MOGS: variants seen among roughly 807,000 people sequenced by gnomAD.
MOGS encodes the protein epididymis secretory sperm binding protein.
MOGS carries 45 observed loss-of-function variants against 68.5 expected under a neutral mutation model. The ratio of observed to expected loss-of-function variants is 0.66; its 90% confidence interval spans 0.52 to 0.84. The LOEUF (loss-of-function observed/expected upper bound fraction) is 0.84. Among genes scored for constraint, MOGS ranks in the 40% least tolerant of loss-of-function variants. MOGS has a pLI of 0.00. For synonymous variants in MOGS, 492 were observed against 461.2 expected (o/e 1.07, Z -0.86); for missense variants, 1,020 against 1,095.0 (o/e 0.93, Z 0.97).
chr2:74,465,166 C>A lies in MOGS; in HGVS notation c.82G>T (p.Gly28Trp). ...CCGCCGCCCCGGCCGTCCCGTCGCC[C>A]GGGGCCTCCCCGAGCCGCCCTCTCG... ...TAERAARGGPGRRDGRGGGPR... is the reference protein window; with the variant it reads ...TAERAARGGPWRRDGRGGGPR... Residue 28 changes from glycine (G) to tryptophan (W), a missense_variant, in exon 1 of 4, where the codon GGG becomes TGG. By Grantham distance (184) the Gly-to-Trp change is radical (BLOSUM62 -2). Coordinates refer to ENST00000448666, the MANE Select transcript of MOGS (RefSeq NM_006302.3). 2 of 1,531,160 alleles carry A rather than the reference C, an allele frequency of 1.3e-6. No individual in the cohort carries two copies. Among genetic ancestry groups the A allele is most frequent in the South Asian group, 2.4e-5 (2 of 83,634 alleles). The allele number at this position is 1,531,160 out of a possible 1,614,324, so 94.8% of individuals were successfully genotyped here. A position where few individuals can be genotyped will look rare whatever the true frequency, so the allele number is the denominator to read the frequency against.
chr2:74,465,081 C>T lies in MOGS; in HGVS notation c.167G>A (p.Gly56Asp), dbSNP rs1285047569. 1.3e-6 allele frequency: 2 copies of T among 1,556,042 alleles called. No homozygotes were observed. The highest frequency in any genetic ancestry group is 1.7e-6 in the Non-Finnish European group (2 of 1,152,014). ...LAVVVLSLAL[G>D]MSGRWVLAWY... The stretch of plus-strand genomic sequence containing the variant: ...CGCCAGCACCCAGCGCCCCGACATA[C>T]CCAGGGCCAAAGACAGGACCACGAC... The change falls in exon 1 of 4, where the codon GGT becomes GAT. Residue 56 changes from glycine to aspartate, a missense_variant. Coordinates refer to ENST00000448666, the MANE Select transcript of MOGS (RefSeq NM_006302.3).
rs756108802 is a variant in MOGS, at chr2:74,463,371, C to G, written c.595G>C (p.Ala199Pro). The G allele has an allele frequency of 6.2e-7, 1 of 1,614,162 alleles. No individual in the cohort carries two copies. The highest frequency in any genetic ancestry group is 8.5e-7 in the Non-Finnish European group (1 of 1,180,034). Reference protein sequence around the residue: ...TVEPQDSGTSALPLVSLFFYV... With the variant: ...TVEPQDSGTSPLPLVSLFFYV... ...AAGAACAGGGAGACCAAAGGGAGGG[C>G]AGAAGTACCTGAGTCCTGAGTGACC... The change falls in exon 3 of 4, where the codon GCC becomes CCC. Residue 199 changes from alanine (A) to proline (P), a missense_variant. By Grantham distance (27) the Ala-to-Pro change is conservative. Transcript: ENST00000448666.
rs368859958 is a variant in MOGS at position 74,461,355 on chromosome 2, G to C, written c.2434C>G (p.Arg812Gly). Residue 812 changes from arginine to glycine, a missense_variant, in exon 4 of 4, where the codon CGC (arginine) becomes GGC (glycine). By Grantham distance (125) the Arg-to-Gly change is moderately radical. This residue lies in a region of MOGS where 270 missense variants were observed against 261.3 expected (regional missense o/e 1.03). Coordinates refer to ENST00000448666, the MANE Select transcript of MOGS (RefSeq NM_006302.3). ...TGFLWEQYSD[R>G]DGRGMGCRPF... is the part of the protein sequence containing the mutation. Reference sequence around the variant, plus strand: ...CGGCAGCCCATGCCTCGCCCATCGCGGTCACTGTACTGCTCCCAAAGAAAG... The same window carrying C: ...CGGCAGCCCATGCCTCGCCCATCGCCGTCACTGTACTGCTCCCAAAGAAAG... The C allele has an allele frequency of 6.2e-7, 1 of 1,614,102 alleles. No homozygotes were observed. Among genetic ancestry groups the C allele is most frequent in the African/African-American group, 1.3e-5 (1 of 75,064 alleles).
chr2:74,461,119 C>T lies in MOGS; in HGVS notation c.*156G>A, dbSNP rs571773528. On this transcript the variant is annotated 3_prime_UTR_variant, in exon 4 of 4. Transcript: ENST00000448666. ...ATAGACTCTGGATTCACATTCACCC[C>T]AGGGCTATGTGGGATGACAGCAAGG... 7.4e-6 allele frequency: 6 copies of T among 815,618 alleles called. No homozygotes were observed. The highest frequency in any genetic ancestry group is 1.5e-5 in the South Asian group (1 of 67,084). The allele number at this position is 815,618 out of a possible 1,614,324, so 50.5% of individuals were successfully genotyped here. A position where few individuals can be genotyped will look rare whatever the true frequency, so the allele number is the denominator to read the frequency against.
At position 74,463,215 on chromosome 2, in the gene MOGS, C is replaced by T; in HGVS notation, c.751G>A (p.Gly251Arg). The T allele has an allele frequency of 6.2e-7, 1 of 1,614,206 alleles. No individual in the cohort carries two copies. The highest frequency in any genetic ancestry group is 8.5e-7 in the Non-Finnish European group (1 of 1,180,038). Residue 251 changes from glycine (G) to arginine (R), a missense_variant, in exon 3 of 4, where the codon GGG (glycine) becomes AGG (arginine). Physicochemically the swap from Gly to Arg is moderately radical, Grantham distance 125. This residue lies in a region of MOGS where 569 missense variants were observed against 571.9 expected (regional missense o/e 0.99). Coordinates refer to ENST00000448666, the MANE Select transcript of MOGS (RefSeq NM_006302.3). ...RFTLLPPTSP[G>R]DTAPKYGSYN... Reference sequence around the variant, plus strand: ...CTGCCATACTTGGGGGCTGTATCCCCTGGACTGGTTGGTGGCAAAAGTGTA... The same window carrying T: ...CTGCCATACTTGGGGGCTGTATCCCTTGGACTGGTTGGTGGCAAAAGTGTA...
chr2:74,462,727 G>A lies in MOGS; in HGVS notation c.1062C>T (p.Gly354=). 6.2e-7 allele frequency: 1 copy of A among 1,614,230 alleles called. No homozygotes were observed. Among genetic ancestry groups the A allele is most frequent in the Non-Finnish European group, 8.5e-7 (1 of 1,180,036 alleles). The change falls in exon 4 of 4, where the codon GGC becomes GGT. Residue 354 remains glycine, a synonymous_variant. Transcript: ENST00000448666. ...TCTCCAGGGCCTGGGTCAGTAGACTGCCTGCCAGTCTTGGCAGGGCTTGAT... is the reference window on the plus strand; with the variant it reads ...TCTCCAGGGCCTGGGTCAGTAGACTACCTGCCAGTCTTGGCAGGGCTTGAT... ...GGNQALPRLA[G]SLLTQALESH...
chr2:74,462,861 C>G lies in MOGS; in HGVS notation c.928G>C (p.Gly310Arg). ...TGCCCCTGCCCTTGCCCACTTGGACCTCTGTCCTCCCACTTCAGGGATCCT... is the reference window on the plus strand; with the variant it reads ...TGCCCCTGCCCTTGCCCACTTGGACGTCTGTCCTCCCACTTCAGGGATCCT... The part of the protein sequence containing the change: ...LPGSLKWEDR[G>R]PSGQGQGQFL... Residue 310 changes from glycine to arginine, a missense_variant, in exon 4 of 4, where the codon GGT becomes CGT. By Grantham distance (125) the Gly-to-Arg change is moderately radical. Around this residue, in one of 3 missense-constraint regions of MOGS, gnomAD observed 569 missense variants for 571.9 expected, o/e 0.99. Transcript: ENST00000448666. 6.2e-7 allele frequency: 1 copy of G among 1,614,204 alleles called. No individual in the cohort carries two copies. The highest frequency in any genetic ancestry group is 8.5e-7 in the Non-Finnish European group (1 of 1,180,054).
Position 74,462,317 on chromosome 2 carries a change from C to T in MOGS, c.1472G>A (p.Gly491Glu). ...AGGCACCCGGGCTCGGGCCTCATCC[C>T]CCAGTATCTGCTCCCTCCCAATCCA... is the stretch of plus-strand genomic sequence containing the variant. ...DGWIGREQIL[G>E]DEARARVPPE... Residue 491 changes from glycine (G) to glutamate (E), a missense_variant, in exon 4 of 4, where the codon GGG (glycine) becomes GAG (glutamate). Gly to Glu is a moderately conservative substitution (Grantham distance 98, BLOSUM62 -2). Transcript: ENST00000448666. The T allele has an allele frequency of 6.2e-7, 1 of 1,613,976 alleles. No individual in the cohort carries two copies. Among genetic ancestry groups the T allele is most frequent in the Non-Finnish European group, 8.5e-7 (1 of 1,180,020 alleles).
rs1317287446 is a variant in MOGS at position 74,461,823 on chromosome 2, CAA to C, written c.1964_1965del (p.Phe655TrpfsTer91). On this transcript the variant is annotated frameshift_variant, in exon 4 of 4. Coordinates refer to ENST00000448666, the MANE Select transcript of MOGS (RefSeq NM_006302.3). LOFTEE classifies it high-confidence loss of function. The part of the protein sequence containing the change: ...WAPELGVFAD[F>X]GNHTKAVQLK... ...AGCTGTACTGCTTTTGTGTGGTTCC[CAA>C]AGTCTGCAAAGACTCCTAGCTCTGG... The C allele has an allele frequency of 6.2e-7, 1 of 1,614,046 alleles. No individual in the cohort carries two copies.
Position 74,465,376 on chromosome 2 carries a change from C to A in MOGS, c.-129G>T. On this transcript the variant is annotated 5_prime_UTR_variant, in exon 1 of 4. Coordinates refer to ENST00000448666, the MANE Select transcript of MOGS (RefSeq NM_006302.3). ...CCGGTTAGCGACACCTGCCAGCCAGCGCCTGCGCCTCCGCCTCCGCCTCCC... is the reference window on the plus strand; with the variant it reads ...CCGGTTAGCGACACCTGCCAGCCAGAGCCTGCGCCTCCGCCTCCGCCTCCC... The A allele has an allele frequency of 2.2e-6, 1 of 463,700 alleles. No individual in the cohort carries two copies. The highest frequency in any genetic ancestry group is 5.3e-5 in the South Asian group (1 of 18,734). The allele number at this position is 463,700 out of a possible 1,614,324, so 28.7% of individuals were successfully genotyped here.
rs574457680 is a variant in MOGS at position 74,462,570 on chromosome 2, C to G, written c.1219G>C (p.Gly407Arg). The G allele has an allele frequency of 1.9e-6, 3 of 1,613,264 alleles. No individual in the cohort carries two copies. Among genetic ancestry groups the G allele is most frequent in the Non-Finnish European group, 2.5e-6 (3 of 1,179,512 alleles). ...ATGTCTGGCAATACCAGCCCTTGTCCGTAGAAGTAGCCAATTCCACCAAGG... is the reference window on the plus strand; with the variant it reads ...ATGTCTGGCAATACCAGCCCTTGTCGGTAGAAGTAGCCAATTCCACCAAGG... ...GLLGGIGYFYGQGLVLPDIGV... is the reference protein window; with the variant it reads ...GLLGGIGYFYRQGLVLPDIGV... Residue 407 changes from glycine to arginine, a missense_variant, in exon 4 of 4, where the codon GGA becomes CGA. Gly to Arg is a moderately radical substitution (Grantham distance 125). This residue lies in a region of MOGS where 569 missense variants were observed against 571.9 expected (regional missense o/e 0.99). Transcript: ENST00000448666.
Position 74,465,326 on chromosome 2 carries a change from C to T in MOGS, c.-79G>A, listed in dbSNP as rs918845666. On this transcript the variant is annotated 5_prime_UTR_variant, in exon 1 of 4. Transcript: ENST00000448666. Reference sequence around the variant, plus strand: ...GGTCCTGCCTCACCTCTCCGGCTCCCGCCTCTCGCCCTGGCGACCACCGTC... The same window carrying T: ...GGTCCTGCCTCACCTCTCCGGCTCCTGCCTCTCGCCCTGGCGACCACCGTC... 6 of 1,064,014 alleles carry T rather than the reference C, an allele frequency of 5.6e-6. No individual in the cohort carries two copies. The Admixed American group carries it at 2.5e-4, about 45-fold the overall frequency. 65.9% of individuals were successfully genotyped at this position (1,064,014 alleles called of 1,614,324 possible).
chr2:74,462,674 A>G lies in MOGS; in HGVS notation c.1115T>C (p.Phe372Ser). ...ESHAEGFRER[F>S]EKTFQLKEKG... Reference sequence around the variant, plus strand: ...CTCCTTCAGCTGGAAGGTCTTCTCAAAGCGCTCTCTAAAGCCTTCAGCATG... The same window carrying G: ...CTCCTTCAGCTGGAAGGTCTTCTCAGAGCGCTCTCTAAAGCCTTCAGCATG... The change falls in exon 4 of 4, where the codon TTT (phenylalanine) becomes TCT (serine). Residue 372 changes from phenylalanine to serine, a missense_variant. Transcript: ENST00000448666. The G allele has an allele frequency of 6.2e-7, 1 of 1,614,212 alleles. No individual in the cohort carries two copies. The highest frequency in any genetic ancestry group is 1.7e-5 in the Admixed American group (1 of 60,016).
rs1299620489 is a variant in MOGS, at chr2:74,461,923, C to G, written c.1866G>C (p.Glu622Asp). ...TRLAEHLGEA[E>D]VAAELGPLAA... ...CCAGTGGGCCCAGCTCAGCAGCTAC[C>G]TCAGCCTCACCCAGATGCTCTGCCA... The change falls in exon 4 of 4, where the codon GAG becomes GAC. Residue 622 changes from glutamate (E) to aspartate (D), a missense_variant. Glu to Asp is a conservative substitution (Grantham distance 45, BLOSUM62 2). This residue lies in a region of MOGS where 181 missense variants were observed against 261.8 expected (regional missense o/e 0.69). Coordinates refer to ENST00000448666, the MANE Select transcript of MOGS (RefSeq NM_006302.3). 2 of 1,614,136 alleles carry G rather than the reference C, an allele frequency of 1.2e-6. No individual in the cohort carries two copies. Among genetic ancestry groups the G allele is most frequent in the Middle Eastern group, 1.7e-4 (1 of 6,060 alleles).
chr2:74,461,564 T>A lies in MOGS; in HGVS notation c.2225A>T (p.Asn742Ile). 1.2e-6 allele frequency: 2 copies of A among 1,613,994 alleles called. No homozygotes were observed. The highest frequency in any genetic ancestry group is 1.7e-6 in the Non-Finnish European group (2 of 1,179,938). ...AASSSFYGQR[N>I]SEHDPPYWRG... ...CCAGTAGGGGGGATCATGCTCTGAATTGCGCTGGCCATAAAAGGAGCTGGA... is the reference window on the plus strand; with the variant it reads ...CCAGTAGGGGGGATCATGCTCTGAAATGCGCTGGCCATAAAAGGAGCTGGA... The change falls in exon 4 of 4, where the codon AAT becomes ATT. Residue 742 changes from asparagine to isoleucine, a missense_variant. Asn to Ile is a moderately radical substitution (Grantham distance 149). Around this residue, in one of 3 missense-constraint regions of MOGS, gnomAD observed 270 missense variants for 261.3 expected, o/e 1.03. Transcript: ENST00000448666.
rs148688719 is a variant in MOGS, at chr2:74,464,164, G to C, written c.579+332C>G. 2.5e-4 allele frequency among the ~76,000 whole-genome samples: 37 copies of C among 148,056 alleles called. 1 individual carries two copies. The highest frequency in any genetic ancestry group is 9.3e-4 in the African/African-American group (37 of 39,584). On this transcript the variant is annotated intron_variant, in intron 2 of 3. Coordinates refer to ENST00000448666, the MANE Select transcript of MOGS (RefSeq NM_006302.3). ...AGTAGAGACGGTGTTTCTCCATTTT[G>C]GTCAGGCTGGTCTGGAACTCCTGAC...
Position 74,464,336 on chromosome 2 carries a change from A to G in MOGS, c.579+160T>C, listed in dbSNP as rs977778070. 1.2e-5 allele frequency: 8 copies of G among 640,300 alleles called. No homozygotes were observed. In the African/African-American group the frequency reaches 1.5e-4, roughly 12 times the overall value. 39.7% of individuals were successfully genotyped at this position (640,300 alleles called of 1,614,324 possible). On this transcript the variant is annotated intron_variant, in intron 2 of 3. Coordinates refer to ENST00000448666, the MANE Select transcript of MOGS (RefSeq NM_006302.3). ...CATTGTACATTTTACAAGCAAGGAAATCAAGGCTTAGAGATGGTAAATAGA... is the reference window on the plus strand; with the variant it reads ...CATTGTACATTTTACAAGCAAGGAAGTCAAGGCTTAGAGATGGTAAATAGA...
In MOGS at chr2:74,462,396, A is replaced by T; in HGVS notation, c.1393T>A (p.Ser465Thr). ...HQLVVQRWDP[S>T]LTREALGHWL... ...TGGCCAAGGGCTTCCCGGGTGAGGG[A>T]GGGATCCCACCGCTGAACCACCAGC... Residue 465 changes from serine (S) to threonine (T), a missense_variant, in exon 4 of 4, where the codon TCC (serine) becomes ACC (threonine). Ser to Thr is a moderately conservative substitution (Grantham distance 58, BLOSUM62 1). Around this residue, in one of 3 missense-constraint regions of MOGS, gnomAD observed 181 missense variants for 261.8 expected, o/e 0.69. Transcript: ENST00000448666. 6.2e-7 allele frequency: 1 copy of T among 1,613,994 alleles called. No homozygotes were observed. The highest frequency in any genetic ancestry group is 8.5e-7 in the Non-Finnish European group (1 of 1,179,968).
chr2:74,463,128 AGACTGGT>A, intron 3 of MOGS, 55 bp downstream of exon 3: 1 of 1,610,922 alleles, frequency 6.2e-7, no homozygotes, highest in Non-Finnish European at 8.5e-7. Context: ...GGGGACATGG[AGACTGGT>A]GAAAATGGGA....
Sources: gnomAD v4.1 joint callset for allele counts (sites outside exome capture counted in the v4.1 genomes callset) on GRCh38, gnomAD v4.1.1 for gene constraint, gnomAD v4.1.1 regional missense constraint, MANE v1.5 for transcripts, NCBI Gene and HGNC (gene_info 2026-07-23, HGNC 2026-07-21) for gene names.